The following CYP4Z1 variants were observed in gnomAD, a reference collection of about 807,000 sequenced individuals.
CYP4Z1 encodes the protein cytochrome P450 family 4 subfamily Z member 1.
Under a neutral mutation model 54.2 loss-of-function variants are expected in CYP4Z1, and 41 were observed. That is an observed-to-expected ratio of 0.76 (90% CI 0.59 to 0.98). CYP4Z1 has a LOEUF of 0.98. Among genes scored for constraint, CYP4Z1 ranks in the 50% least tolerant of loss-of-function variants. CYP4Z1 has a pLI of 0.00. For synonymous variants in CYP4Z1, 163 were observed against 206.2 expected, an observed-to-expected ratio of 0.79 and a Z score of 1.79; for missense variants, 513 against 599.0, an observed-to-expected ratio of 0.86 and a Z score of 1.50.
At chr1:47,092,320 C>G (rs1157648737) in intron 6 of CYP4Z1, among the ~76,000 whole-genome samples, 1 of 151,996 alleles carries the variant, frequency 6.6e-6, no homozygotes, top group Non-Finnish European at 1.5e-5. Context: ...TCCCCCTGGT[C>G]CCTATTATAA....
chr1:47,095,910 C>T (rs1288328104), intron 7 of CYP4Z1, among the ~76,000 whole-genome samples: 3 of 152,070 alleles, frequency 2.0e-5, no homozygotes, highest in Admixed American at 1.3e-4. Flanking sequence ...CAAAAATAAA[C>T]AAATACTCTG....
intron 8 of CYP4Z1, among the ~76,000 whole-genome samples, chr1:47,103,085 ATTCT>A (rs1342191817): frequency 6.6e-6 from 1 of 151,724 alleles, no homozygotes; most frequent in Non-Finnish European, 1.5e-5. Context: ...AAGGTCTGAG[ATTCT>A]TTCTTCTGCT....
upstream of CYP4Z1, among the ~76,000 whole-genome samples, chr1:47,065,660 A>C (rs1644445783): frequency 6.6e-6 from 1 of 152,168 alleles, no homozygotes; most frequent in South Asian, 2.1e-4. Context: ...ACCCAGCAGA[A>C]GAAAAGAAAT....
chr1:47,113,832 G>A (rs988328071), intron 9 of CYP4Z1, among the ~76,000 whole-genome samples: 4 of 152,122 alleles, frequency 2.6e-5, no homozygotes, highest in African/African-American at 9.7e-5. Context: ...CATGCTCCTG[G>A]GTAGGAAGAA....
At chr1:47,061,731 A>C in the CYP4Z1 span, among the ~76,000 whole-genome samples, 1 of 152,200 alleles carries the variant, frequency 6.6e-6, no homozygotes, top group South Asian at 2.1e-4. Context: ...CACAACAAAA[A>C]AAGAAAACTT....
At chr1:47,086,296 T>C (rs1225418112) in intron 6 of CYP4Z1, among the ~76,000 whole-genome samples, 1 of 152,206 alleles carries the variant, frequency 6.6e-6, no homozygotes, top group African/African-American at 2.4e-5. Context: ...ATGAACTAGT[T>C]TACAGTCCCA....
chr1:47,108,051 C>T (rs1490275465), intron 9 of CYP4Z1, among the ~76,000 whole-genome samples: 1 of 152,226 alleles, frequency 6.6e-6, no homozygotes, highest in Non-Finnish European at 1.5e-5. Flanking sequence ...CTTAATCTCC[C>T]TCAAGCTACA....
intron 11 of CYP4Z1, among the ~76,000 whole-genome samples, 180 bp downstream of exon 11, chr1:47,116,912 C>T (rs540034670): frequency 2.2e-4 from 34 of 152,254 alleles, no homozygotes; most frequent in Middle Eastern, 6.8e-3. Flanking sequence ...CCAAAGGGAC[C>T]GGTTAATGTT....
rs1644457590 is a variant in CYP4Z1, at chr1:47,067,437, T to G, written c.-54T>G. ...CCTTTGTGTTTATGAGAGACCTGCA[T>G]TCTCCCTGGCTCAGTTCTCTCAGGC... On this transcript the variant is annotated 5_prime_UTR_variant, in exon 1 of 12. Transcript: ENST00000334194. The G allele has an allele frequency of 6.8e-7, 1 of 1,460,934 alleles. No homozygotes were observed. Among genetic ancestry groups the G allele is most frequent in the Admixed American group, 2.3e-5 (1 of 43,640 alleles). The allele number at this position is 1,460,934 out of a possible 1,614,324, so 90.5% of individuals were successfully genotyped here.
chr1:47,099,000 A>G, intron 7 of CYP4Z1, 94 bp from the exon 8 acceptor site: 1 of 1,434,152 alleles, frequency 7.0e-7, no homozygotes, highest in South Asian at 1.2e-5. Flanking sequence ...TTTGAATTTT[A>G]CAACATTAAT....
intron 8 of CYP4Z1, among the ~76,000 whole-genome samples, chr1:47,102,295 AT>A (rs1644727283): frequency 1.3e-5 from 2 of 152,018 alleles, no homozygotes; most frequent in African/African-American, 4.8e-5. Context: ...CATTTTATTA[AT>A]TGATTTCTGG....
intron 6 of CYP4Z1, among the ~76,000 whole-genome samples, chr1:47,086,174 A>T (rs1405186096): frequency 6.6e-6 from 1 of 152,182 alleles, no homozygotes; most frequent in Admixed American, 6.5e-5. Flanking sequence ...GTGTCTTTAT[A>T]GCAGCATGAT....
At chr1:47,063,388 CA>C (rs1404800218), upstream of CYP4Z1, among the ~76,000 whole-genome samples, 1 of 151,734 alleles carries the variant, frequency 6.6e-6, no homozygotes, top group African/African-American at 2.4e-5. Context: ...CAAACTAAGA[CA>C]AAATCTCTGA....
At chr1:47,063,979 A>T (rs111667539), upstream of CYP4Z1, among the ~76,000 whole-genome samples, 2,665 of 152,198 alleles carry the variant, frequency 0.018, 81 homozygotes, top group African/African-American at 0.061. Flanking sequence ...GAATCTTAAG[A>T]ACTGTGAGGC....
chr1:47,107,334 C>T (rs1644763975), intron 9 of CYP4Z1, among the ~76,000 whole-genome samples: 1 of 151,970 alleles, frequency 6.6e-6, no homozygotes, highest in South Asian at 2.1e-4. Context: ...AGAGTCTGCG[C>T]TCGTAACTAC....
chr1:47,105,997 T>C (rs1644754248), intron 8 of CYP4Z1, 131 bp from the exon 9 acceptor site: 18 of 1,100,098 alleles, frequency 1.6e-5, no homozygotes, highest in Non-Finnish European at 2.4e-5. Context: ...ACATACTTGA[T>C]ACATCTGAAG....
At chr1:47,089,381 T>G (rs1197892771) in intron 6 of CYP4Z1, among the ~76,000 whole-genome samples, 1 of 152,052 alleles carries the variant, frequency 6.6e-6, no homozygotes, top group African/African-American at 2.4e-5. Flanking sequence ...GGATAATAAT[T>G]AGGCAAAATA....
chr1:47,090,356 A>C (rs1162065239), intron 6 of CYP4Z1, among the ~76,000 whole-genome samples: 1 of 152,236 alleles, frequency 6.6e-6, no homozygotes, highest in Non-Finnish European at 1.5e-5. Flanking sequence ...GAATTTTATA[A>C]CCAGAGTTCC....
chr1:47,057,335 A>AAAAAAAAAAATATATAT, the CYP4Z1 span, among the ~76,000 whole-genome samples: 17 of 28,452 alleles, frequency 6.0e-4, no homozygotes, highest in Admixed American at 1.1e-3. Context: ...AAGAAAAAAA[A>AAAAAAAAAAATATATAT]ATATATATAT....
Sources: gnomAD v4.1 joint callset for allele counts (sites outside exome capture counted in the v4.1 genomes callset) on GRCh38, gnomAD v4.1.1 for gene constraint, MANE v1.5 for transcripts, NCBI Gene and HGNC (gene_info 2026-07-23, HGNC 2026-07-21) for gene names.